The following TRIM42 variants were observed in gnomAD, a reference collection of about 807,000 sequenced individuals.
TRIM42 encodes the protein tripartite motif containing 42.
In TRIM42, 59 loss-of-function variants were observed where a neutral mutation model predicts 64.9. The ratio of observed to expected loss-of-function variants is 0.91; its 90% CI spans 0.74 to 1.13. The LOEUF (loss-of-function observed/expected upper bound fraction) is 1.13. Ranked by LOEUF, TRIM42 falls within the 50% of genes most tolerant of loss-of-function variation. The probability of loss-of-function intolerance (pLI) is 0.00; values close to 1 mark genes in which losing one functional copy is unlikely to be tolerated. For missense variants in TRIM42, 878 were observed against 929.5 expected, an observed-to-expected ratio of 0.94 and a Z score of 0.72; for synonymous variants, 354 against 346.3, an observed-to-expected ratio of 1.02 and a Z score of -0.25.
rs113685407 is a variant in TRIM42, at chr3:140,682,736, C to T, written c.616C>T (p.Pro206Ser). The T allele has an allele frequency of 1.9e-6, 3 of 1,612,850 alleles. No homozygotes were observed. The highest frequency in any genetic ancestry group is 1.1e-5 in the South Asian group (1 of 91,084). Residue 206 changes from proline (P) to serine (S), a missense_variant, in exon 2 of 5, where the codon CCC becomes TCC. Physicochemically the swap from Pro to Ser is moderately conservative, Grantham distance 74. Transcript: ENST00000286349. The part of the protein sequence containing the change: ...CMPYSNKMQL[P>S]ENYLHGRLTK... ...GCCCTACAGCAACAAGATGCAGCTGCCCGAGAACTACCTGCACGGGCGTCT... is the reference window on the plus strand; with the variant it reads ...GCCCTACAGCAACAAGATGCAGCTGTCCGAGAACTACCTGCACGGGCGTCT...
chr3:140,695,982 T>G (rs983624161), intron 4 of TRIM42, among the ~76,000 whole-genome samples: 1 of 152,208 alleles, frequency 6.6e-6, no homozygotes, highest in African/African-American at 2.4e-5. Flanking sequence ...AGAACCCTGT[T>G]GGTCCTTCCT....
At position 140,682,745 on chromosome 3, in the gene TRIM42, T is replaced by C. The variant is rs778512337; in HGVS notation, c.625T>C (p.Tyr209His). Reference protein sequence around the residue: ...YSNKMQLPENYLHGRLTKRYM... With the variant: ...YSNKMQLPENHLHGRLTKRYM... ...CAACAAGATGCAGCTGCCCGAGAAC[T>C]ACCTGCACGGGCGTCTCACCAAGCG... Residue 209 changes from tyrosine (Y) to histidine (H), a missense_variant, in exon 2 of 5, where the codon TAC becomes CAC. By Grantham distance (83) the Tyr-to-His change is moderately conservative. Coordinates refer to ENST00000286349, the MANE Select transcript of TRIM42 (RefSeq NM_152616.5). 2 of 1,612,978 alleles carry C rather than the reference T, an allele frequency of 1.2e-6. No individual in the cohort carries two copies. Among genetic ancestry groups the C allele is most frequent in the South Asian group, 2.2e-5 (2 of 91,084 alleles).
At chr3:140,683,224 G>T (rs539817696) in intron 2 of TRIM42, 65 bp downstream of exon 2, 3 of 1,539,038 alleles carry the variant, frequency 1.9e-6, no homozygotes, top group East Asian at 4.5e-5. Flanking sequence ...AAGATGGCGT[G>T]GGGTAATCTG....
chr3:140,681,769 T>C (rs1232076521), intron 1 of TRIM42, among the ~76,000 whole-genome samples: 1 of 152,090 alleles, frequency 6.6e-6, no homozygotes, highest in Non-Finnish European at 1.5e-5. Context: ...ATTACAGGAT[T>C]TGGGCTCATG....
intron 4 of TRIM42, among the ~76,000 whole-genome samples, chr3:140,698,349 T>C (rs1254368342): frequency 2.6e-5 from 4 of 152,238 alleles, no homozygotes; most frequent in Non-Finnish European, 5.9e-5. Flanking sequence ...AACCATAGTC[T>C]ATGTTCTTTA....
rs698673 is a variant in TRIM42, at chr3:140,682,851, A to G, written c.731A>G (p.Lys244Arg). 1,612,139 of 1,614,200 alleles carry G rather than the reference A, an allele frequency of 1. 805,040 individuals carry two copies. The highest frequency in any genetic ancestry group is 1 in the Middle Eastern group (6,062 of 6,062). The change falls in exon 2 of 5, where the codon AAG (lysine) becomes AGG (arginine). Residue 244 changes from lysine (K) to arginine (R), a missense_variant. By Grantham distance (26) the Lys-to-Arg change is conservative. Transcript: ENST00000286349. ...GPILCQVCRN[K>R]RIAYKRCITC... is the part of the protein sequence containing the mutation. ...ATCCTCTGCCAGGTCTGCCGCAACA[A>G]GCGCATCGCTTACAAGCGCTGCATC...
At position 140,687,730 on chromosome 3, in the gene TRIM42, G is replaced by A. The variant is rs770356146; in HGVS notation, c.1048G>A (p.Glu350Lys). 11 of 1,602,476 alleles carry A rather than the reference G, an allele frequency of 6.9e-6. No homozygotes were observed. Among genetic ancestry groups the A allele is most frequent in the Non-Finnish European group, 7.7e-6 (9 of 1,175,260 alleles). ...ACTTGGCATTTTTGCAGTCCGATAT[G>A]AAATTGATAATGACCTAATGGAATT... ...AIAKFKAVRY[E>K]IDNDLMEFNI... Residue 350 changes from glutamate (E) to lysine (K), a missense_variant, in exon 3 of 5, where the codon GAA becomes AAA. Coordinates refer to ENST00000286349, the MANE Select transcript of TRIM42 (RefSeq NM_152616.5).
At chr3:140,696,265 C>T (rs1256209113) in intron 4 of TRIM42, among the ~76,000 whole-genome samples, 1 of 152,206 alleles carries the variant, frequency 6.6e-6, no homozygotes, top group Non-Finnish European at 1.5e-5. Flanking sequence ...TTAATTTACA[C>T]AATTAGCATT....
chr3:140,681,406 A>G (rs1988390572), intron 1 of TRIM42, among the ~76,000 whole-genome samples: 1 of 152,248 alleles, frequency 6.6e-6, no homozygotes, highest in African/African-American at 2.4e-5. Flanking sequence ...AGCAAGTAGT[A>G]CTGTGAGCTT....
intron 3 of TRIM42, among the ~76,000 whole-genome samples, chr3:140,688,938 G>A (rs1988636479): frequency 6.6e-6 from 1 of 152,338 alleles, no homozygotes; most frequent in Non-Finnish European, 1.5e-5. Context: ...AGAAATGCAG[G>A]CTCCATTACC....
rs371836818 is a variant in TRIM42, at chr3:140,688,474, G to A, written c.1792G>A (p.Asp598Asn). The change falls in exon 3 of 5, where the codon GAT becomes AAT. Residue 598 changes from aspartate (D) to asparagine (N), a missense_variant. Transcript: ENST00000286349. ...CTTCCACAACTGGTACTCATTCAAC[G>A]ATGGCTCTGTGAAGACCCCAGGCCC... ...SSFHNWYSFN[D>N]GSVKTPGPIV... 3.0e-5 allele frequency: 49 copies of A among 1,614,048 alleles called. No individual in the cohort carries two copies. The highest frequency in any genetic ancestry group is 2.3e-4 in the African/African-American group (17 of 74,916).
chr3:140,690,865 G>T, intron 3 of TRIM42, 103 bp from the exon 4 acceptor site: 1 of 945,056 alleles, frequency 1.1e-6, no homozygotes. Context: ...GATGGGGTCA[G>T]CTTAAACTCA....
At chr3:140,694,501 C>T (rs73868013) in intron 4 of TRIM42, among the ~76,000 whole-genome samples, 5,326 of 152,286 alleles carry the variant, frequency 0.035, 304 homozygotes, top group African/African-American at 0.12. Flanking sequence ...TTTCTGAAAA[C>T]AGTCTCCTTA....
chr3:140,698,179 A>G (rs1988905896), intron 4 of TRIM42, among the ~76,000 whole-genome samples: 1 of 152,188 alleles, frequency 6.6e-6, no homozygotes, highest in South Asian at 2.1e-4. Context: ...CTTTTTCAGA[A>G]ATTATTTAGC....
chr3:140,682,629 TG>T lies in TRIM42; in HGVS notation c.510del (p.Arg171GlyfsTer185). On this transcript the variant is annotated frameshift_variant, in exon 2 of 5. Transcript: ENST00000286349. LOFTEE classifies it high-confidence loss of function. The part of the protein sequence containing the change: ...PCNHSLCEKC[L>X]RQLQKHAEVT... ...AACCACAGCCTGTGCGAGAAGTGCCTGCGGCAGCTGCAGAAGCACGCCGAGG... is the reference window on the plus strand; with the variant it reads ...AACCACAGCCTGTGCGAGAAGTGCCTCGGCAGCTGCAGAAGCACGCCGAGG... 6.2e-7 allele frequency: 1 copy of T among 1,614,062 alleles called. No homozygotes were observed. Among genetic ancestry groups the T allele is most frequent in the South Asian group, 1.1e-5 (1 of 91,074 alleles).
intron 2 of TRIM42, 63 bp downstream of exon 2, chr3:140,683,222 G>C: frequency 1.9e-6 from 3 of 1,550,294 alleles, no homozygotes; most frequent in Non-Finnish European, 2.7e-6. Context: ...GGAAGATGGC[G>C]TGGGGTAATC....
rs1988823444 is a variant in TRIM42, at chr3:140,695,451, G to A, written c.2085+4259G>A. On this transcript the variant is annotated intron_variant, in intron 4 of 4. Coordinates refer to ENST00000286349, the MANE Select transcript of TRIM42 (RefSeq NM_152616.5). Reference sequence around the variant, plus strand: ...CAAGCCCAACAATAGTTACAAATTGGTAATTTTCTGGGTCTTTCCCTGTTA... The same window carrying A: ...CAAGCCCAACAATAGTTACAAATTGATAATTTTCTGGGTCTTTCCCTGTTA... Among the ~76,000 whole-genome samples the A allele has an allele frequency of 2.6e-5, 4 of 152,198 alleles. No individual in the cohort carries two copies. In the South Asian group the frequency reaches 6.2e-4, roughly 24 times the overall value.
At chr3:140,685,097 G>T (rs907922129) in intron 2 of TRIM42, among the ~76,000 whole-genome samples, 2 of 152,204 alleles carry the variant, frequency 1.3e-5, no homozygotes, top group African/African-American at 4.8e-5. Context: ...CCTTGCTGAA[G>T]AAACAGACAC....
At chr3:140,678,821 C>T (rs1988279730) in intron 1 of TRIM42, among the ~76,000 whole-genome samples, 2 of 150,006 alleles carry the variant, frequency 1.3e-5, no homozygotes, top group Non-Finnish European at 2.9e-5. Flanking sequence ...CCAACTCTCT[C>T]ATCTGTACAA....
Sources: gnomAD v4.1 joint callset for allele counts (sites outside exome capture counted in the v4.1 genomes callset) on GRCh38, gnomAD v4.1.1 for gene constraint, MANE v1.5 for transcripts, NCBI Gene and HGNC (gene_info 2026-07-23, HGNC 2026-07-21) for gene names.